The following CDK14 variants were observed in gnomAD, a reference collection of about 807,000 sequenced individuals.
The protein encoded by CDK14 is cyclin dependent kinase 14.
In CDK14, 34 loss-of-function variants were observed where a neutral mutation model predicts 60.7. The ratio of observed to expected loss-of-function variants is 0.56; its 90% CI spans 0.43 to 0.75. The LOEUF is 0.75. Among genes scored for constraint, CDK14 ranks in the 30% least tolerant of loss-of-function variants. The pLI is 0.00. For synonymous variants in CDK14, 197 were observed against 203.7 expected, an observed-to-expected ratio of 0.97 and a Z score of 0.28; for missense variants, 482 against 564.1, an observed-to-expected ratio of 0.85 and a Z score of 1.47.
chr7:91,184,707 G>A (rs1802115282), intron 14 of CDK14, among the ~76,000 whole-genome samples: 8 of 152,170 alleles, frequency 5.3e-5, no homozygotes, highest in Admixed American at 5.2e-4. Context: ...TGGGATGAAG[G>A]CAGTAGTGGG....
chr7:90,638,544 G>A (rs9768399), intron 2 of CDK14, among the ~76,000 whole-genome samples: 1 of 152,004 alleles, frequency 6.6e-6, no homozygotes, highest in African/African-American at 2.4e-5. Context: ...CCTGACCTTT[G>A]TCTCTGGCTG....
intron 11 of CDK14, among the ~76,000 whole-genome samples, chr7:91,058,888 G>C (rs182385155): frequency 6.6e-6 from 1 of 152,202 alleles, no homozygotes. Context: ...GTCTCTGCCC[G>C]GCTTTGGTAT....
At chr7:91,057,692 G>A (rs1341986740) in intron 11 of CDK14, among the ~76,000 whole-genome samples, 4 of 152,060 alleles carry the variant, frequency 2.6e-5, no homozygotes, top group African/African-American at 7.2e-5. Context: ...TTTTTGTCAG[G>A]TTTGTCAAAG....
chr7:90,989,581 C>A (rs977328786), intron 10 of CDK14, among the ~76,000 whole-genome samples: 1 of 152,130 alleles, frequency 6.6e-6, no homozygotes, highest in East Asian at 1.9e-4. Context: ...AGGCATACTT[C>A]AGGAATGGAA....
intron 6 of CDK14, among the ~76,000 whole-genome samples, chr7:90,863,839 A>G (rs1791090488): frequency 6.6e-6 from 1 of 152,128 alleles, no homozygotes; most frequent in South Asian, 2.1e-4. Context: ...TATTATTGCT[A>G]GAAGACTTGG....
intron 2 of CDK14, among the ~76,000 whole-genome samples, chr7:90,722,455 C>G (rs1802493169): frequency 6.6e-6 from 1 of 152,138 alleles, no homozygotes; most frequent in Non-Finnish European, 1.5e-5. Flanking sequence ...ATCCACCTGC[C>G]ACAGCTTCCC....
chr7:90,922,432 T>C (rs1237685618), intron 8 of CDK14, among the ~76,000 whole-genome samples: 4 of 152,200 alleles, frequency 2.6e-5, no homozygotes, highest in East Asian at 1.9e-4. Flanking sequence ...GTTTTTTTTT[T>C]CTCTCTAATT....
chr7:91,020,225 G>T (rs1796399682), intron 10 of CDK14, among the ~76,000 whole-genome samples: 1 of 152,160 alleles, frequency 6.6e-6, no homozygotes, highest in Non-Finnish European at 1.5e-5. Context: ...ATGGCAGAGG[G>T]TTTAGTTATG....
chr7:91,086,003 A>G (rs1239113660), intron 12 of CDK14, among the ~76,000 whole-genome samples: 1 of 152,148 alleles, frequency 6.6e-6, no homozygotes, highest in Non-Finnish European at 1.5e-5. Context: ...CTATATTTAA[A>G]TGTAATTAAC....
intron 11 of CDK14, among the ~76,000 whole-genome samples, chr7:91,072,345 T>A (rs1290686734): frequency 1.3e-5 from 2 of 152,076 alleles, no homozygotes; most frequent in Non-Finnish European, 2.9e-5. Context: ...TCCAGCCTCC[T>A]CAAGTTCACT....
At chr7:90,883,898 T>G (rs1014451475) in intron 6 of CDK14, among the ~76,000 whole-genome samples, 1 of 152,134 alleles carries the variant, frequency 6.6e-6, no homozygotes, top group Non-Finnish European at 1.5e-5. Flanking sequence ...TTCTTTCAAG[T>G]TAAAACTCTC....
chr7:91,029,334 A>AT (rs1796689604), intron 10 of CDK14, among the ~76,000 whole-genome samples: 1 of 151,714 alleles, frequency 6.6e-6, no homozygotes, highest in African/African-American at 2.4e-5. Context: ...TTGTAGGATT[A>AT]TTTTTTCTAA....
chr7:91,147,160 TCTCACA>T (rs1400826336), intron 14 of CDK14, among the ~76,000 whole-genome samples: 3,577 of 107,446 alleles, frequency 0.033, 80 homozygotes, highest in Admixed American at 0.083. Flanking sequence ...TCTCTCTCTC[TCTCACA>T]CACACACACA....
At chr7:90,721,545 A>G (rs1802453515) in intron 2 of CDK14, among the ~76,000 whole-genome samples, 1 of 152,110 alleles carries the variant, frequency 6.6e-6, no homozygotes, top group Non-Finnish European at 1.5e-5. Flanking sequence ...ACATTTTTGA[A>G]AGGATGCCAG....
chr7:90,870,902 C>G (rs1461423384), intron 6 of CDK14, among the ~76,000 whole-genome samples: 1 of 152,104 alleles, frequency 6.6e-6, no homozygotes, highest in Non-Finnish European at 1.5e-5. Context: ...TTTCAACAGA[C>G]TAGTGAACTA....
At chr7:90,909,314 T>G (rs1190388527) in intron 7 of CDK14, among the ~76,000 whole-genome samples, 1 of 152,170 alleles carries the variant, frequency 6.6e-6, no homozygotes, top group East Asian at 1.9e-4. Context: ...CTTGGAAAAT[T>G]ATGTTAGATA....
intron 14 of CDK14, among the ~76,000 whole-genome samples, chr7:91,188,391 A>G (rs2115924099): frequency 6.6e-6 from 1 of 152,292 alleles, no homozygotes; most frequent in South Asian, 2.1e-4. Flanking sequence ...TCTCCTCCCA[A>G]ACTAAGCAAT....
chr7:91,023,971 C>T lies in CDK14; in HGVS notation c.1042-21926C>T, dbSNP rs557926498. Among the ~76,000 whole-genome samples, 4 of 152,184 alleles carry T rather than the reference C, an allele frequency of 2.6e-5. No individual in the cohort carries two copies. In the East Asian group the frequency reaches 5.8e-4, roughly 22 times the overall value. ...TATTTTTAGTGGAGACGGGGTTTCA[C>T]CATGTTGGCCAGGCTGGTCTTGAAC... On this transcript the variant is annotated intron_variant, in intron 10 of 14. Transcript: ENST00000380050.
At chr7:90,717,806 A>T (rs1212148547) in intron 2 of CDK14, among the ~76,000 whole-genome samples, 1 of 152,072 alleles carries the variant, frequency 6.6e-6, no homozygotes, top group African/African-American at 2.4e-5. Flanking sequence ...GAACTATTTC[A>T]TGCCCGGTCT....
Sources: gnomAD v4.1 joint callset for allele counts (sites outside exome capture counted in the v4.1 genomes callset) on GRCh38, gnomAD v4.1.1 for gene constraint, MANE v1.5 for transcripts, NCBI Gene and HGNC (gene_info 2026-07-23, HGNC 2026-07-21) for gene names.